Variants in ATG9B observed in about 807,000 individuals in gnomAD.
ATG9B encodes autophagy related 9B.
In ATG9B, 92 loss-of-function variants were observed where a neutral mutation model predicts 92.9. The observed-to-expected ratio is 0.99, with a 90% confidence interval of 0.84 to 1.18. The LOEUF is 1.18. Among genes scored for constraint, ATG9B ranks in the 50% most tolerant of loss-of-function variants. ATG9B has a pLI of 0.00. For synonymous variants in ATG9B, 599 were observed against 551.4 expected (o/e 1.09, Z -1.21); for missense variants, 1,344 against 1,235.0 (o/e 1.09, Z -1.32).
In ATG9B at chr7:151,016,536, T is replaced by C. The variant is rs1349256216; in HGVS notation, c.2424-9A>G. On this transcript the variant is annotated splice_polypyrimidine_tract_variant and intron_variant, in intron 10 of 13. Coordinates refer to ENST00000639579, the MANE Select transcript of ATG9B (RefSeq NM_001317056.2). ...CTCCTGGGGACACAGAGCTGGAACA[T>C]AACATGAAGCAGGTCAAAAGTCATG... 1.3e-6 allele frequency: 2 copies of C among 1,549,872 alleles called. No individual in the cohort carries two copies. The highest frequency in any genetic ancestry group is 1.7e-6 in the Non-Finnish European group (2 of 1,146,664).
chr7:151,013,442 C>T, downstream of ATG9B: 3 of 1,543,030 alleles, frequency 1.9e-6, no homozygotes, highest in South Asian at 1.2e-5. Flanking sequence ...GACTCGCGCT[C>T]TCCAGCGGGG....
At chr7:151,014,109 G>C, downstream of ATG9B, 1 of 1,613,626 alleles carries the variant, frequency 6.2e-7, no homozygotes, top group Non-Finnish European at 8.5e-7. Flanking sequence ...AGGAGCGTCA[G>C]TTGCGGGGCG....
Position 151,015,975 on chromosome 7 carries a change from G to A in ATG9B, c.2696C>T (p.Ala899Val), listed in dbSNP as rs1436851040. ...AAACCCTCCGGGGAACAGATTCCGG[G>A]CCTTCTGGGTTCCCCACTGTTGTCT... ...SPRQQWGTQK[A>V]RNLFPGGFQV... Residue 899 changes from alanine to valine, a missense_variant, in exon 13 of 14, where the codon GCC becomes GTC. Physicochemically the swap from Ala to Val is moderately conservative, Grantham distance 64 (BLOSUM62 0). Coordinates refer to ENST00000639579, the MANE Select transcript of ATG9B (RefSeq NM_001317056.2). 8 of 1,551,642 alleles carry A rather than the reference G, an allele frequency of 5.2e-6. No homozygotes were observed. In the Admixed American group the frequency reaches 7.8e-5, roughly 15 times the overall value.
intron 9 of ATG9B, 96 bp from the exon 10 acceptor site, chr7:151,016,917 G>A (rs1478039385): frequency 1.3e-6 from 2 of 1,520,300 alleles, no homozygotes; most frequent in Non-Finnish European, 8.9e-7. Context: ...AGGCAGGAGA[G>A]CAGGCTGGGG....
At chr7:151,020,984 C>A in intron 5 of ATG9B, 1 of 540,928 alleles carries the variant, frequency 1.8e-6, no homozygotes, top group Non-Finnish European at 3.2e-6. Flanking sequence ...ATAAACTAAA[C>A]TCCCTTAGGG....
Position 151,016,158 on chromosome 7 carries a change from G to T in ATG9B, c.2598C>A (p.Pro866=). The T allele has an allele frequency of 6.5e-7, 1 of 1,540,190 alleles. No individual in the cohort carries two copies. Among genetic ancestry groups the T allele is most frequent in the Non-Finnish European group, 8.8e-7 (1 of 1,140,348 alleles). The change falls in exon 12 of 14, where the codon CCC becomes CCA. Residue 866 remains proline, a synonymous_variant. Transcript: ENST00000639579. ...ASILSRPCSS[P]SQPPSPDEEK... is the part of the protein sequence containing the mutation. ...CCTCATCAGGCGAGGGTGGCTGTGA[G>T]GGGCTGGAGCAGGGCCTGGACAGGA... is the stretch of plus-strand genomic sequence containing the variant.
rs374927452 is a variant in ATG9B at position 151,017,229 on chromosome 7, G to A, written c.2096C>T (p.Ala699Val). 15 of 1,609,288 alleles carry A rather than the reference G, an allele frequency of 9.3e-6. No homozygotes were observed. The highest frequency in any genetic ancestry group is 8.4e-5 in the Admixed American group (5 of 59,784). ...AGAAAGCTCAGTCTTGCCGTCCTCC[G>A]CACGCTGAGACAGCGAGGCCTCAGT... ...GQTEASLSQR[A>V]EDGKTELSLM... Residue 699 changes from alanine to valine, a missense_variant, in exon 9 of 14, where the codon GCG becomes GTG. Coordinates refer to ENST00000639579, the MANE Select transcript of ATG9B (RefSeq NM_001317056.2).
In ATG9B at chr7:151,023,915, T is replaced by C. The variant is rs1795847237; in HGVS notation, c.509A>G (p.Glu170Gly). 7 of 1,601,522 alleles carry C rather than the reference T, an allele frequency of 4.4e-6. No individual in the cohort carries two copies. The highest frequency in any genetic ancestry group is 1.3e-5 in the African/African-American group (1 of 74,186). ...GACATGAAGCAGGGGTTGCTGCTCC[T>C]CCCCGTGGATGGGTGAGTCTTGGGA... is the stretch of plus-strand genomic sequence containing the variant. Reference protein sequence around the residue: ...EGSQDSPIHGEEQQPLLHVPE... With the variant: ...EGSQDSPIHGGEQQPLLHVPE... The change falls in exon 1 of 14, where the codon GAG becomes GGG. Residue 170 changes from glutamate (E) to glycine (G), a missense_variant. By Grantham distance (98) the Glu-to-Gly change is moderately conservative. Transcript: ENST00000639579.
At position 151,018,834 on chromosome 7, in the gene ATG9B, G is replaced by A. The variant is rs1345379205; in HGVS notation, c.1504C>T (p.Arg502Cys). The change falls in exon 6 of 14, where the codon CGC becomes TGC. Residue 502 changes from arginine to cysteine, a missense_variant. Arg to Cys is a radical substitution (Grantham distance 180). Transcript: ENST00000639579. This position sits in a 1 kb window ranked among gnomAD's most constrained non-coding sequence, Gnocchi z 4.7. The stretch of plus-strand genomic sequence containing the variant: ...GCGGGGCGGTAGGCGCGGGCCAGGC[G>A]CGCGCGCAGCTCGTGCGGCAGCTCG... ...FNELPHELRA[R>C]LARAYRPAAA... is the part of the protein sequence containing the mutation. 5 of 1,293,788 alleles carry A rather than the reference G, an allele frequency of 3.9e-6. No individual in the cohort carries two copies. Among genetic ancestry groups the A allele is most frequent in the Non-Finnish European group, 4.9e-6 (5 of 1,024,566 alleles). The allele number at this position is 1,293,788 out of a possible 1,614,324, so 80.1% of individuals were successfully genotyped here.
chr7:151,013,473 C>G, downstream of ATG9B: 4 of 1,462,914 alleles, frequency 2.7e-6, no homozygotes, highest in Non-Finnish European at 3.7e-6. Context: ...ACGGCCCTCC[C>G]GTGGCCTCCC....
downstream of ATG9B, chr7:151,013,488 C>G (rs915104625): frequency 1.3e-5 from 18 of 1,368,908 alleles, no homozygotes; most frequent in Admixed American, 9.0e-5. Flanking sequence ...CCTCCCACGA[C>G]CACTCAGCCA....
chr7:151,013,982 T>A, downstream of ATG9B: 2 of 1,608,846 alleles, frequency 1.2e-6, no homozygotes, highest in Non-Finnish European at 1.7e-6. Context: ...AGTCGGGTTC[T>A]GATCCACTGT....
At position 151,024,241 on chromosome 7, in the gene ATG9B, GCTT is replaced by G; in HGVS notation, c.180_182del (p.Arg60del). 1 of 1,479,644 alleles carries G rather than the reference GCTT, an allele frequency of 6.8e-7. No homozygotes were observed. The highest frequency in any genetic ancestry group is 9.0e-7 in the Non-Finnish European group (1 of 1,113,216). The allele number at this position is 1,479,644 out of a possible 1,614,324, so 91.7% of individuals were successfully genotyped here. ...TGGGAGGGGAAAATGAGGAGGGGGA[GCTT>G]CTTGTATGAGGGGCAGGGGACAGAG... is the stretch of plus-strand genomic sequence containing the variant. On this transcript the variant is annotated inframe_deletion, in exon 1 of 14. Coordinates refer to ENST00000639579, the MANE Select transcript of ATG9B (RefSeq NM_001317056.2).
At position 151,018,986 on chromosome 7, in the gene ATG9B, G is replaced by T. The variant is rs773141064; in HGVS notation, c.1352C>A (p.Pro451Gln). 1 of 1,577,422 alleles carries T rather than the reference G, an allele frequency of 6.3e-7. No homozygotes were observed. Among genetic ancestry groups the T allele is most frequent in the Non-Finnish European group, 8.6e-7 (1 of 1,166,486 alleles). Residue 451 changes from proline to glutamine, a missense_variant, in exon 6 of 14, where the codon CCG (proline) becomes CAG (glutamine). By Grantham distance (76) the Pro-to-Gln change is moderately conservative. Transcript: ENST00000639579. The surrounding 1 kb of genome is among the most constrained non-coding windows in gnomAD (Gnocchi z 4.7). Reference sequence around the variant, plus strand: ...CAGAACCTGCCAGGCCAGCACCAGCGGGCTCAGCGCCAGGTTCAGGGCGGC... The same window carrying T: ...CAGAACCTGCCAGGCCAGCACCAGCTGGCTCAGCGCCAGGTTCAGGGCGGC... ...LLAALNLALSPLVLAWQVLHV... is the reference protein window; with the variant it reads ...LLAALNLALSQLVLAWQVLHV...
intron 11 of ATG9B, 33 bp from the exon 12 acceptor site, chr7:151,016,268 C>T (rs1198786087): frequency 2.0e-6 from 3 of 1,477,788 alleles, no homozygotes; most frequent in Non-Finnish European, 1.8e-6. Context: ...GAGGGCTGCA[C>T]CCCAAGGAGG....
downstream of ATG9B, chr7:151,012,273 T>G: frequency 7.4e-7 from 1 of 1,358,234 alleles, no homozygotes; most frequent in Non-Finnish European, 9.9e-7. Context: ...GGGTCCTCCT[T>G]GCTCCACCCA....
downstream of ATG9B, chr7:151,013,932 G>A (rs1366718341): frequency 1.3e-6 from 2 of 1,598,450 alleles, no homozygotes; most frequent in East Asian, 4.5e-5. Flanking sequence ...CGGAGGGGCG[G>A]GCCGGGCCTG....
At position 151,023,138 on chromosome 7, in the gene ATG9B, GCAA is replaced by G. The variant is rs1733216710; in HGVS notation, c.725_727del (p.Phe242_Ala243delinsSer). On this transcript the variant is annotated inframe_deletion, in exon 4 of 14. Coordinates refer to ENST00000639579, the MANE Select transcript of ATG9B (RefSeq NM_001317056.2). ...TCTGGTATGGTTACTTGGTTGGTTG[GCAA>G]AGAGAACATTGTAATCCACGCATCG... is the stretch of plus-strand genomic sequence containing the variant. The G allele has an allele frequency of 6.2e-7, 1 of 1,614,056 alleles. No individual in the cohort carries two copies. Among genetic ancestry groups the G allele is most frequent in the Admixed American group, 1.7e-5 (1 of 60,006 alleles).
At position 151,023,600 on chromosome 7, in the gene ATG9B, G is replaced by A. The variant is rs1382926961; in HGVS notation, c.594+87C>T. On this transcript the variant is annotated intron_variant, in intron 2 of 13. Coordinates refer to ENST00000639579, the MANE Select transcript of ATG9B (RefSeq NM_001317056.2). The stretch of plus-strand genomic sequence containing the variant: ...CCCCAACAAGTCTCCCACCCATGAC[G>A]CCCTCACGGAGTCTCCCTGCCAAGA... 5.6e-6 allele frequency: 9 copies of A among 1,608,314 alleles called. No homozygotes were observed. The East Asian group carries it at 6.7e-5, about 12-fold the overall frequency.
Sources: gnomAD v4.1 joint callset for allele counts on GRCh38, gnomAD v4.1.1 for gene constraint, Gnocchi (gnomAD v3.1) non-coding constraint, MANE v1.5 for transcripts, NCBI Gene and HGNC (gene_info 2026-07-23, HGNC 2026-07-21) for gene names.